AKAP6: variants seen among roughly 807,000 people sequenced by gnomAD.
AKAP6 encodes A-kinase anchor protein 6.
A neutral mutation model predicts 188.5 loss-of-function variants in AKAP6; 58 were observed. That is an observed-to-expected ratio of 0.31 (90% CI 0.25 to 0.38). The LOEUF is 0.38. AKAP6 is among the 10% of genes least tolerant of loss of function. The probability of loss-of-function intolerance (pLI) is 1.00; values close to 1 mark genes in which losing one functional copy is unlikely to be tolerated. For missense variants in AKAP6, 2,710 were observed against 2,740.0 expected (o/e 0.99, Z 0.24); for synonymous variants, 989 against 998.6 (o/e 0.99, Z 0.18).
intron 11 of AKAP6, among the ~76,000 whole-genome samples, chr14:32,743,412 T>C (rs1320629085): frequency 6.6e-6 from 1 of 152,154 alleles, no homozygotes; most frequent in Non-Finnish European, 1.5e-5. Context: ...TTTTGTTATT[T>C]GTTTCCTCAT....
chr14:32,397,528 C>A (rs1174580966), intron 1 of AKAP6, among the ~76,000 whole-genome samples: 2 of 152,066 alleles, frequency 1.3e-5, no homozygotes, highest in African/African-American at 2.4e-5. Flanking sequence ...CAGGTGCTTG[C>A]CACTGTTCCT....
At position 32,587,342 on chromosome 14, in the gene AKAP6, A is replaced by G. The variant is rs75630523; in HGVS notation, c.2469+10100A>G. ...GGTTCTGTTCTAAAAGCATACGGATATCTCAACAGTTTGAGGAATCAAAGG... is the reference window on the plus strand; with the variant it reads ...GGTTCTGTTCTAAAAGCATACGGATGTCTCAACAGTTTGAGGAATCAAAGG... On this transcript the variant is annotated intron_variant, in intron 5 of 13. Coordinates refer to ENST00000280979, the MANE Select transcript of AKAP6 (RefSeq NM_004274.5). Among the ~76,000 whole-genome samples the G allele has an allele frequency of 3.8e-3, 582 of 152,322 alleles. 5 individuals carry two copies. The highest frequency in any genetic ancestry group is 0.013 in the African/African-American group (557 of 41,556).
chr14:32,739,262 A>T (rs1349570707), intron 11 of AKAP6, among the ~76,000 whole-genome samples: 1 of 151,862 alleles, frequency 6.6e-6, no homozygotes, highest in Admixed American at 6.6e-5. Context: ...TAGTAGGTGT[A>T]TATATTTATG....
chr14:32,611,326 G>T (rs1454964621), intron 7 of AKAP6, among the ~76,000 whole-genome samples: 1 of 152,142 alleles, frequency 6.6e-6, no homozygotes, highest in African/African-American at 2.4e-5. Flanking sequence ...ATCTAGGTGT[G>T]TAACCTGGGC....
At position 32,833,148 on chromosome 14, in the gene AKAP6, T is replaced by C. The variant is rs1322374858; in HGVS notation, c.*3343T>C. ...AATACAAACCTAACCTGTTTCCAAG[T>C]AGGGCACTCCCTCCGCTTATTTATT... On this transcript the variant is annotated 3_prime_UTR_variant, in exon 14 of 14. Transcript: ENST00000280979. 6.6e-6 allele frequency: 1 copy of C among 152,202 alleles called. No individual in the cohort carries two copies. The highest frequency in any genetic ancestry group is 1.5e-5 in the Non-Finnish European group (1 of 68,040). The allele number at this position is 152,202 out of a possible 1,614,324, so 9.4% of individuals were successfully genotyped here.
intron 11 of AKAP6, among the ~76,000 whole-genome samples, chr14:32,739,787 G>T (rs183304680): frequency 6.6e-6 from 1 of 152,206 alleles, no homozygotes; most frequent in Admixed American, 6.5e-5. Flanking sequence ...GGATACTTAG[G>T]TTGGGCTTCC....
At chr14:32,679,503 T>C (rs903184654) in intron 8 of AKAP6, among the ~76,000 whole-genome samples, 3 of 152,148 alleles carry the variant, frequency 2.0e-5, no homozygotes, top group Non-Finnish European at 4.4e-5. Flanking sequence ...GAAAGAGGCC[T>C]TTTCATGCAC....
In AKAP6 at chr14:32,831,425, C is replaced by A. The variant is rs1594998025; in HGVS notation, c.*1620C>A. The A allele has an allele frequency of 2.0e-5, 3 of 152,202 alleles. No individual in the cohort carries two copies. The East Asian group carries it at 5.8e-4, about 29-fold the overall frequency. The allele number at this position is 152,202 out of a possible 1,614,324, so 9.4% of individuals were successfully genotyped here. A position where few individuals can be genotyped will look rare whatever the true frequency, so the allele number is the denominator to read the frequency against. On this transcript the variant is annotated 3_prime_UTR_variant, in exon 14 of 14. Transcript: ENST00000280979. The stretch of plus-strand genomic sequence containing the variant: ...ACATGGACACAACTAGAAAGAGGTA[C>A]AATGCAATATAAAGTCACAATAGAT...
chr14:32,681,140 T>C (rs1889658818), intron 8 of AKAP6, among the ~76,000 whole-genome samples: 1 of 152,254 alleles, frequency 6.6e-6, no homozygotes, highest in Admixed American at 6.5e-5. Context: ...GGCATGATGC[T>C]CTGAGCATAG....
chr14:32,599,390 G>T lies in AKAP6; in HGVS notation c.2470-20G>T. The T allele has an allele frequency of 6.2e-7, 1 of 1,600,562 alleles. No individual in the cohort carries two copies. On this transcript the variant is annotated intron_variant, in intron 5 of 13. Transcript: ENST00000280979. ...TGTAACTGCCTTGCCAGGGTTTAATGTTCATATTTTTCCTTGCAGAGTTTT... is the reference window on the plus strand; with the variant it reads ...TGTAACTGCCTTGCCAGGGTTTAATTTTCATATTTTTCCTTGCAGAGTTTT...
In AKAP6 at chr14:32,831,561, T is replaced by C. The variant is rs976870824; in HGVS notation, c.*1756T>C. ...AACACTTTTTATCTGCAAGGCACTATTCTAGATCCAGAAGATGCAATGTTG... is the reference window on the plus strand; with the variant it reads ...AACACTTTTTATCTGCAAGGCACTACTCTAGATCCAGAAGATGCAATGTTG... On this transcript the variant is annotated 3_prime_UTR_variant, in exon 14 of 14. Transcript: ENST00000280979. 2 of 152,220 alleles carry C rather than the reference T, an allele frequency of 1.3e-5. No homozygotes were observed. The highest frequency in any genetic ancestry group is 2.9e-5 in the Non-Finnish European group (2 of 68,050). The allele number at this position is 152,220 out of a possible 1,614,324, so 9.4% of individuals were successfully genotyped here.
chr14:32,724,681 C>T (rs1480139890), intron 9 of AKAP6, among the ~76,000 whole-genome samples: 5 of 152,194 alleles, frequency 3.3e-5, no homozygotes, highest in Admixed American at 3.3e-4. Context: ...AAGCCGATCA[C>T]TTCAAAACAG....
intron 1 of AKAP6, among the ~76,000 whole-genome samples, chr14:32,349,857 C>G (rs557138447): frequency 6.6e-6 from 1 of 152,094 alleles, no homozygotes; most frequent in East Asian, 1.9e-4. Flanking sequence ...TCATGTAGTT[C>G]AAGAATGTAA....
intron 3 of AKAP6, among the ~76,000 whole-genome samples, chr14:32,537,985 T>C (rs1882762745): frequency 6.6e-6 from 1 of 152,220 alleles, no homozygotes; most frequent in African/African-American, 2.4e-5. Flanking sequence ...TAGTGCATTC[T>C]TATGTTTGAA....
At position 32,813,397 on chromosome 14, in the gene AKAP6, C is replaced by CCG. The variant is rs1285018234; in HGVS notation, c.3589-8004_3589-8003insGC. ...TTTTCATCTCTAACCCTACCCCCCC[C>CCG]CCCAACCCCTTTCCCAGAGGTCCTT... On this transcript the variant is annotated intron_variant, in intron 12 of 13. Transcript: ENST00000280979. 1.1e-4 allele frequency among the ~76,000 whole-genome samples: 14 copies of CCG among 123,848 alleles called. 2 individuals are homozygous for CCG. In the South Asian group the frequency reaches 1.9e-3, roughly 17 times the overall value. 81.2% of individuals were successfully genotyped at this position (123,848 alleles called of 152,430 possible). A position where few individuals can be genotyped will look rare whatever the true frequency, so the allele number is the denominator to read the frequency against.
At position 32,571,143 on chromosome 14, in the gene AKAP6, G is replaced by C. The variant is rs186152065; in HGVS notation, c.2347-5977G>C. Among the ~76,000 whole-genome samples, 264 of 152,100 alleles carry C rather than the reference G, an allele frequency of 1.7e-3. 1 individual carries two copies. The highest frequency in any genetic ancestry group is 2.9e-3 in the Admixed American group (44 of 15,272). ...TGGCACATAGTGAGTACCATCTGAG[G>C]GTTATTTGTTTCAGCTAGAATTGTC... On this transcript the variant is annotated intron_variant, in intron 4 of 13. Transcript: ENST00000280979.
intron 2 of AKAP6, among the ~76,000 whole-genome samples, chr14:32,475,787 C>T (rs1879034976): frequency 6.6e-6 from 1 of 151,216 alleles, no homozygotes. Context: ...ATGCCATTCT[C>T]CTGCCACAGC....
Position 32,823,824 on chromosome 14 carries a change from C to A in AKAP6, c.6011C>A (p.Ser2004Ter). ...AGACAAGACTCTGATGCACTGAAATCATCTGATGATGCACCGAGTATGGCT... is the reference window on the plus strand; with the variant it reads ...AGACAAGACTCTGATGCACTGAAATAATCTGATGATGCACCGAGTATGGCT... ...NNRQDSDALK[S>*]SDDAPSMAGK... The change falls in exon 13 of 14, where the codon TCA (serine) becomes TAA (stop). Residue 2004 changes from serine to a stop codon, truncating the protein, a stop_gained. Coordinates refer to ENST00000280979, the MANE Select transcript of AKAP6 (RefSeq NM_004274.5). LOFTEE classifies it high-confidence loss of function. 6.2e-7 allele frequency: 1 copy of A among 1,613,572 alleles called. No homozygotes were observed. The highest frequency in any genetic ancestry group is 8.5e-7 in the Non-Finnish European group (1 of 1,179,922).
chr14:32,595,627 G>A (rs538493486), intron 5 of AKAP6, among the ~76,000 whole-genome samples: 1 of 152,182 alleles, frequency 6.6e-6, no homozygotes, highest in African/African-American at 2.4e-5. Context: ...TCCCGCCTCA[G>A]CTTCCCGAGT....
Sources: allele counts gnomAD v4.1 joint callset (sites outside exome capture counted in the v4.1 genomes callset), GRCh38; gene constraint gnomAD v4.1.1; transcripts MANE v1.5; gene names NCBI Gene and HGNC (gene_info 2026-07-23, HGNC 2026-07-21).